The following NTM variants were observed in gnomAD, a reference collection of about 807,000 sequenced individuals.
NTM encodes the protein neurotrimin.
In NTM, 13 loss-of-function variants were observed where a neutral mutation model predicts 42.1. That is an observed-to-expected ratio of 0.31 (90% confidence interval 0.20 to 0.49). The LOEUF (loss-of-function observed/expected upper bound fraction) is 0.49, where lower values mean the gene tolerates loss of function less well. Among genes scored for constraint, NTM ranks in the 20% least tolerant of loss-of-function variants. The probability of loss-of-function intolerance (pLI) is 0.99; values close to 1 mark genes in which losing one functional copy is unlikely to be tolerated. For missense variants in NTM, 373 were observed against 452.8 expected, an observed-to-expected ratio of 0.82 and a Z score of 1.60; for synonymous variants, 187 against 179.2, an observed-to-expected ratio of 1.04 and a Z score of -0.35.
intron 4 of NTM, among the ~76,000 whole-genome samples, chr11:132,274,448 C>G (rs1002000005): frequency 2.0e-5 from 3 of 151,896 alleles, no homozygotes; most frequent in Admixed American, 6.6e-5. Context: ...TCTTCATTTC[C>G]ATTTATCTCA....
intron 2 of NTM, among the ~76,000 whole-genome samples, chr11:132,048,930 C>A (rs764657812): frequency 2.0e-5 from 3 of 151,590 alleles, no homozygotes; most frequent in Non-Finnish European, 2.9e-5. Flanking sequence ...TCGGCCCTTA[C>A]CCTGTAGGAG....
chr11:132,333,488 A>G (rs1447105818), intron 8 of NTM, among the ~76,000 whole-genome samples: 1 of 152,200 alleles, frequency 6.6e-6, no homozygotes, highest in Non-Finnish European at 1.5e-5. Flanking sequence ...AGATTCTAGA[A>G]GACACAACCA....
At chr11:131,905,258 C>G (rs12293334) in intron 1 of NTM, among the ~76,000 whole-genome samples, 18,652 of 152,230 alleles carry the variant, frequency 0.12, 1,225 homozygotes, top group Middle Eastern at 0.15. Flanking sequence ...TATTTGACTT[C>G]TGGTCTGAGT....
intron 2 of NTM, among the ~76,000 whole-genome samples, chr11:132,023,443 G>T (rs935876742): frequency 5.9e-5 from 9 of 152,212 alleles, no homozygotes; most frequent in African/African-American, 1.9e-4. Flanking sequence ...AGCTGGGCCT[G>T]TGAGAAGGCC....
intron 2 of NTM, among the ~76,000 whole-genome samples, chr11:132,093,723 A>G (rs537510416): frequency 3.3e-4 from 50 of 152,282 alleles, no homozygotes; most frequent in Non-Finnish European, 8.8e-5. Context: ...TATGTCACCA[A>G]CAGGGTGGCA....
At chr11:131,410,616 A>G (rs1170124484) in intron 1 of NTM, among the ~76,000 whole-genome samples, 1 of 148,486 alleles carries the variant, frequency 6.7e-6, no homozygotes, top group Non-Finnish European at 1.5e-5. Flanking sequence ...CACTTCCCTG[A>G]TTTCTTGCGT....
intron 1 of NTM, among the ~76,000 whole-genome samples, chr11:131,659,838 C>T (rs1449022229): frequency 6.6e-6 from 1 of 152,144 alleles, no homozygotes; most frequent in Non-Finnish European, 1.5e-5. Context: ...GAGCTGTCCT[C>T]CACGGAGGGT....
At chr11:131,443,724 A>T (rs896107844) in intron 1 of NTM, among the ~76,000 whole-genome samples, 3 of 152,208 alleles carry the variant, frequency 2.0e-5, no homozygotes, top group African/African-American at 7.2e-5. Context: ...TATGTTATAA[A>T]AGAAGAGTGA....
chr11:132,185,992 A>C (rs2078335770), intron 3 of NTM, among the ~76,000 whole-genome samples: 1 of 152,138 alleles, frequency 6.6e-6, no homozygotes, highest in Non-Finnish European at 1.5e-5. Context: ...TCGCTTTCCC[A>C]CCCTAGAAAT....
intron 1 of NTM, among the ~76,000 whole-genome samples, chr11:131,833,290 T>G (rs767493998): frequency 1.8e-4 from 27 of 152,364 alleles, no homozygotes; most frequent in Non-Finnish European, 3.8e-4. Flanking sequence ...TCCTTGTGAT[T>G]AATTCACTTT....
At chr11:131,481,856 C>T (rs1320789233) in intron 1 of NTM, among the ~76,000 whole-genome samples, 2 of 152,180 alleles carry the variant, frequency 1.3e-5, no homozygotes, top group Non-Finnish European at 2.9e-5. Flanking sequence ...CATTTAGGAA[C>T]AGGCCTGTTA....
intron 1 of NTM, among the ~76,000 whole-genome samples, chr11:131,550,291 T>C (rs1438889560): frequency 6.6e-6 from 1 of 151,988 alleles, no homozygotes; most frequent in African/African-American, 2.4e-5. Flanking sequence ...ACAAAAAATT[T>C]AAAAATTAGC....
chr11:131,484,082 CA>C (rs1953901727), intron 1 of NTM, among the ~76,000 whole-genome samples: 1 of 152,162 alleles, frequency 6.6e-6, no homozygotes, highest in Non-Finnish European at 1.5e-5. Flanking sequence ...GACTGAGTCC[CA>C]GGGGGCACAT....
intron 1 of NTM, among the ~76,000 whole-genome samples, chr11:131,631,193 A>T (rs1216071097): frequency 6.6e-6 from 1 of 152,346 alleles, no homozygotes; most frequent in African/African-American, 2.4e-5. Context: ...TTAAATGACA[A>T]CAATACCTAC....
At chr11:132,270,723 A>G (rs569588548) in intron 4 of NTM, among the ~76,000 whole-genome samples, 13 of 151,548 alleles carry the variant, frequency 8.6e-5, no homozygotes, top group African/African-American at 2.9e-4. Flanking sequence ...GTATGTTAAG[A>G]TATAAAAAAC....
chr11:131,688,816 A>C (rs1592562496), intron 1 of NTM, among the ~76,000 whole-genome samples: 1 of 152,146 alleles, frequency 6.6e-6, no homozygotes, highest in South Asian at 2.1e-4. Flanking sequence ...AGAAACTAGG[A>C]CCCTCAGAAA....
chr11:131,586,509 T>C (rs536540306), intron 1 of NTM, among the ~76,000 whole-genome samples: 1 of 152,266 alleles, frequency 6.6e-6, no homozygotes, highest in East Asian at 1.9e-4. Flanking sequence ...AATGGTCATA[T>C]GAGTGAGCTT....
Position 132,317,787 on chromosome 11 carries a change from A to C in NTM, c.934+3084A>C. ...CATTACCCGAAGCACTTGTCTGTAA[A>C]GTGTCTTAGAGGATGTGGAAGGCTA... On this transcript the variant is annotated intron_variant, in intron 7 of 8. Coordinates refer to ENST00000683400, the MANE Select transcript of NTM (RefSeq NM_001352005.2). 3 of 643,924 alleles carry C rather than the reference A, an allele frequency of 4.7e-6. No individual in the cohort carries two copies. In the Admixed American group the frequency reaches 7.7e-5, roughly 17 times the overall value. The allele number at this position is 643,924 out of a possible 1,614,324, so 39.9% of individuals were successfully genotyped here.
At chr11:132,154,737 A>G (rs1323685311) in intron 3 of NTM, among the ~76,000 whole-genome samples, 1 of 152,192 alleles carries the variant, frequency 6.6e-6, no homozygotes, top group Non-Finnish European at 1.5e-5. Flanking sequence ...AGGCTAATTT[A>G]GGCTTTGAGG....
Sources: gnomAD v4.1 joint callset for allele counts (sites outside exome capture counted in the v4.1 genomes callset) on GRCh38, gnomAD v4.1.1 for gene constraint, MANE v1.5 for transcripts, NCBI Gene and HGNC (gene_info 2026-07-23, HGNC 2026-07-21) for gene names.